Variants in RGS9 observed in about 807,000 individuals in gnomAD.
RGS9 encodes the protein regulator of G protein signaling 9.
Under a neutral mutation model 102.0 loss-of-function variants are expected in RGS9, and 78 were observed. The ratio of observed to expected loss-of-function variants is 0.76; its 90% CI spans 0.64 to 0.92. The LOEUF (loss-of-function observed/expected upper bound fraction) is 0.92. Ranked by LOEUF, RGS9 falls within the 40% of genes least tolerant of loss-of-function variation. The probability of loss-of-function intolerance (pLI) is 0.00; values close to 1 mark genes in which losing one functional copy is unlikely to be tolerated. For synonymous variants in RGS9, 353 were observed against 318.6 expected (o/e 1.11, Z -1.15); for missense variants, 833 against 866.1 (o/e 0.96, Z 0.48).
intron 9 of RGS9, among the ~76,000 whole-genome samples, chr17:65,185,996 G>A (rs1912099947): frequency 6.6e-6 from 1 of 152,136 alleles, no homozygotes; most frequent in Admixed American, 6.5e-5. Context: ...TGGCCGACAG[G>A]CAGAAAGCTT....
At chr17:65,211,277 G>C (rs2144110916) in intron 17 of RGS9, among the ~76,000 whole-genome samples, 1 of 152,344 alleles carries the variant, frequency 6.6e-6, no homozygotes, top group South Asian at 2.1e-4. Context: ...ACCCTGCTGA[G>C]ACGTTTCTCC....
At chr17:65,209,601 G>T (rs1404469156) in intron 16 of RGS9, among the ~76,000 whole-genome samples, 1 of 152,162 alleles carries the variant, frequency 6.6e-6, no homozygotes, top group Non-Finnish European at 1.5e-5. Context: ...GGAGAGTTTG[G>T]TTCCAGGAAT....
In RGS9 at chr17:65,173,071, C is replaced by T. The variant is rs1049746047; in HGVS notation, c.583-4661C>T. On this transcript the variant is annotated intron_variant, in intron 8 of 18. Coordinates refer to ENST00000262406, the MANE Select transcript of RGS9 (RefSeq NM_003835.4). The surrounding 1 kb of genome is among the most constrained non-coding windows in gnomAD (Gnocchi z 4.8). Reference sequence around the variant, plus strand: ...CCGAGTAGCTGGAATTACAGGTGTGCGCCACCTCGCCTGGCTAATTTTTTG... The same window carrying T: ...CCGAGTAGCTGGAATTACAGGTGTGTGCCACCTCGCCTGGCTAATTTTTTG... 4.6e-5 allele frequency among the ~76,000 whole-genome samples: 7 copies of T among 151,936 alleles called. No homozygotes were observed. In the South Asian group the frequency reaches 1.0e-3, roughly 23 times the overall value.
At chr17:65,154,221 C>G (rs1910686886) in intron 2 of RGS9, among the ~76,000 whole-genome samples, 1 of 151,902 alleles carries the variant, frequency 6.6e-6, no homozygotes, top group Admixed American at 6.6e-5. Flanking sequence ...GCATGAGAAT[C>G]ACTTGAACCC....
chr17:65,157,512 G>A (rs1348444134), intron 2 of RGS9, among the ~76,000 whole-genome samples: 1 of 151,730 alleles, frequency 6.6e-6, no homozygotes, highest in African/African-American at 2.4e-5. Flanking sequence ...CGGGTGTACG[G>A]GTGCACATTC....
intron 17 of RGS9, among the ~76,000 whole-genome samples, chr17:65,219,281 G>A (rs906885101): frequency 5.3e-5 from 8 of 152,194 alleles, no homozygotes; most frequent in African/African-American, 1.9e-4. Flanking sequence ...AGTCCACCAG[G>A]AAATTCTCAT....
rs905614349 is a variant in RGS9 at position 65,207,948 on chromosome 17, T to G, written c.1230T>G (p.Ser410=). 9 of 1,613,156 alleles carry G rather than the reference T, an allele frequency of 5.6e-6. No homozygotes were observed. Among genetic ancestry groups the G allele is most frequent in the African/African-American group, 1.3e-5 (1 of 74,998 alleles). ...KKDSYARYLK[S]PIYKDMLAKA... Reference sequence around the variant, plus strand: ...ATTCTTATGCTCGCTATTTAAAATCTCCGATCTATAAGGACATGCTGGCCA... The same window carrying G: ...ATTCTTATGCTCGCTATTTAAAATCGCCGATCTATAAGGACATGCTGGCCA... The change falls in exon 16 of 19, where the codon TCT becomes TCG. Residue 410 remains serine (S), a synonymous_variant. Coordinates refer to ENST00000262406, the MANE Select transcript of RGS9 (RefSeq NM_003835.4).
intron 17 of RGS9, among the ~76,000 whole-genome samples, chr17:65,211,154 A>G (rs1416221873): frequency 6.6e-6 from 1 of 152,202 alleles, no homozygotes; most frequent in African/African-American, 2.4e-5. Flanking sequence ...GAAGCTCCTC[A>G]TCCTATCTCT....
At chr17:65,144,088 A>G (rs1910262930) in intron 1 of RGS9, among the ~76,000 whole-genome samples, 1 of 152,174 alleles carries the variant, frequency 6.6e-6, no homozygotes, top group Non-Finnish European at 1.5e-5. Flanking sequence ...ATGGTGCCTC[A>G]TGAGTGTCTG....
At chr17:65,185,870 C>T (rs1451476313) in intron 9 of RGS9, among the ~76,000 whole-genome samples, 4 of 152,210 alleles carry the variant, frequency 2.6e-5, no homozygotes, top group African/African-American at 9.7e-5. Context: ...ATGAGCATGG[C>T]AGAAAGTCCT....
chr17:65,201,981 C>G lies in RGS9; in HGVS notation c.977-12C>G. On this transcript the variant is annotated splice_polypyrimidine_tract_variant and intron_variant, in intron 13 of 18. Coordinates refer to ENST00000262406, the MANE Select transcript of RGS9 (RefSeq NM_003835.4). Reference sequence around the variant, plus strand: ...GCCCGGCCCTCATCCACGTGGACTTCTCACCATGCAGGAGAGAATCTGGGA... The same window carrying G: ...GCCCGGCCCTCATCCACGTGGACTTGTCACCATGCAGGAGAGAATCTGGGA... 1.2e-6 allele frequency: 2 copies of G among 1,601,278 alleles called. No homozygotes were observed. The highest frequency in any genetic ancestry group is 1.7e-6 in the Non-Finnish European group (2 of 1,168,376).
At position 65,145,434 on chromosome 17, in the gene RGS9, G is replaced by A. The variant is rs1474864074; in HGVS notation, c.57+7837G>A. Among the ~76,000 whole-genome samples, 8 of 151,942 alleles carry A rather than the reference G, an allele frequency of 5.3e-5. No homozygotes were observed. In the East Asian group the frequency reaches 1.2e-3, roughly 22 times the overall value. The stretch of plus-strand genomic sequence containing the variant: ...GACTGAGTCTCACTCTGTTGACCAG[G>A]CTGGCGTGCAGTGGCTTGATATCGT... On this transcript the variant is annotated intron_variant, in intron 1 of 18. Transcript: ENST00000262406.
At chr17:65,221,204 T>G (rs1053073735) in intron 17 of RGS9, among the ~76,000 whole-genome samples, 3 of 152,122 alleles carry the variant, frequency 2.0e-5, no homozygotes, top group Non-Finnish European at 1.5e-5. Context: ...AAAGAGAAGA[T>G]GCTAGGGGAG....
intron 3 of RGS9, among the ~76,000 whole-genome samples, chr17:65,159,274 C>G (rs1350514450): frequency 6.6e-6 from 1 of 152,128 alleles, no homozygotes; most frequent in African/African-American, 2.4e-5. Context: ...AGCCCGCCTG[C>G]ACCCAGGTGA....
intron 12 of RGS9, among the ~76,000 whole-genome samples, chr17:65,196,184 G>A (rs1352401091): frequency 1.3e-5 from 2 of 152,212 alleles, no homozygotes; most frequent in African/African-American, 2.4e-5. Context: ...TGTGTGTAAC[G>A]CACAGTACCT....
At position 65,208,131 on chromosome 17, in the gene RGS9, G is replaced by A. The variant is rs1215089958; in HGVS notation, c.1289+124G>A. The A allele has an allele frequency of 1.1e-5, 8 of 706,514 alleles. No homozygotes were observed. In the East Asian group the frequency reaches 2.3e-4, roughly 20 times the overall value. The allele number at this position is 706,514 out of a possible 1,614,324, so 43.8% of individuals were successfully genotyped here. The stretch of plus-strand genomic sequence containing the variant: ...TGATGAAAATATTGGGGACTGGGAA[G>A]TATTGCTCAGGGAATGAGTGCCTCA... On this transcript the variant is annotated intron_variant, in intron 16 of 18. Transcript: ENST00000262406.
chr17:65,194,025 G>C (rs750543302), intron 12 of RGS9, among the ~76,000 whole-genome samples: 1 of 152,066 alleles, frequency 6.6e-6, no homozygotes, highest in Non-Finnish European at 1.5e-5. Context: ...ATTCGAGCAA[G>C]TTTCTAAGAA....
chr17:65,180,748 C>G (rs1911851929), intron 9 of RGS9, among the ~76,000 whole-genome samples: 1 of 152,170 alleles, frequency 6.6e-6, no homozygotes, highest in Admixed American at 6.5e-5. Flanking sequence ...TCTTGTCACT[C>G]AGGAAATAAG....
intron 6 of RGS9, among the ~76,000 whole-genome samples, chr17:65,161,708 A>ATATT (rs3034082): frequency 0.082 from 11,227 of 137,258 alleles, 1,255 homozygotes; most frequent in East Asian, 0.43. Flanking sequence ...TTTTATTTAT[A>ATATT]TATTTATTTA....
Sources: allele counts gnomAD v4.1 joint callset (sites outside exome capture counted in the v4.1 genomes callset), GRCh38; gene constraint gnomAD v4.1.1; non-coding constraint Gnocchi (gnomAD v3.1); transcripts MANE v1.5; gene names NCBI Gene and HGNC (gene_info 2026-07-23, HGNC 2026-07-21).